Variants in PPP1R12B observed in about 807,000 individuals in gnomAD.
The protein encoded by PPP1R12B is protein phosphatase 1 regulatory subunit 12B, also known as myosin phosphatase target subunit 2.
In PPP1R12B, 76 loss-of-function variants were observed where a neutral mutation model predicts 126.1. The observed-to-expected ratio is 0.60, with a 90% CI of 0.50 to 0.73. The LOEUF is 0.73. Among genes scored for constraint, PPP1R12B ranks in the 30% least tolerant of loss-of-function variants. The pLI, the probability that PPP1R12B is intolerant of heterozygous loss-of-function variation, is 0.00. For missense variants in PPP1R12B, 1,052 were observed against 1,205.1 expected (o/e 0.87, Z 1.88); for synonymous variants, 356 against 434.7 (o/e 0.82, Z 2.25).
At chr1:202,470,589 G>T (rs1220822256) in intron 13 of PPP1R12B, among the ~76,000 whole-genome samples, 3 of 152,036 alleles carry the variant, frequency 2.0e-5, no homozygotes, top group African/African-American at 7.2e-5. Context: ...GCTATATATG[G>T]TTTTTTCTTT....
At chr1:202,545,192 A>G (rs1043051949) in intron 18 of PPP1R12B, among the ~76,000 whole-genome samples, 6 of 152,372 alleles carry the variant, frequency 3.9e-5, no homozygotes, top group South Asian at 4.1e-4. Context: ...AATTAAAAGC[A>G]GGAGTGTATT....
chr1:202,452,464 C>G (rs897819467), intron 13 of PPP1R12B, among the ~76,000 whole-genome samples: 2 of 152,234 alleles, frequency 1.3e-5, no homozygotes. Context: ...GCAGGAGAAT[C>G]AGGCAGGGAG....
intron 1 of PPP1R12B, among the ~76,000 whole-genome samples, chr1:202,397,577 C>T (rs1207992017): frequency 6.6e-6 from 1 of 152,116 alleles, no homozygotes; most frequent in Non-Finnish European, 1.5e-5. Context: ...TGGGAAGACA[C>T]ATGGGGATAT....
At chr1:202,541,249 T>C (rs1276218126) in intron 18 of PPP1R12B, among the ~76,000 whole-genome samples, 1 of 151,940 alleles carries the variant, frequency 6.6e-6, no homozygotes, top group Non-Finnish European at 1.5e-5. Context: ...CCCCCAATTA[T>C]TTTGTATGCA....
Position 202,416,441 on chromosome 1 carries a change from G to A in PPP1R12B, c.292-346G>A, listed in dbSNP as rs536588403. 1.3e-4 allele frequency among the ~76,000 whole-genome samples: 19 copies of A among 149,964 alleles called. No homozygotes were observed. The South Asian group carries it at 2.3e-3, about 18-fold the overall frequency. Reference sequence around the variant, plus strand: ...CTAGGGAGGCTGAGGCAGGAGAATCGCTTGAACCTGGGAGGCAGAGGTTGC... The same window carrying A: ...CTAGGGAGGCTGAGGCAGGAGAATCACTTGAACCTGGGAGGCAGAGGTTGC... On this transcript the variant is annotated intron_variant, in intron 1 of 23. Coordinates refer to ENST00000608999, the MANE Select transcript of PPP1R12B (RefSeq NM_002481.4).
chr1:202,395,207 G>C (rs967630337), intron 1 of PPP1R12B, among the ~76,000 whole-genome samples: 1 of 151,810 alleles, frequency 6.6e-6, no homozygotes, highest in Non-Finnish European at 1.5e-5. Flanking sequence ...TGGAAGTTAG[G>C]AACCCACAGC....
At chr1:202,492,253 T>G (rs536811276) in intron 14 of PPP1R12B, among the ~76,000 whole-genome samples, 1 of 152,258 alleles carries the variant, frequency 6.6e-6, no homozygotes, top group Admixed American at 6.5e-5. Context: ...ACAGTAACCA[T>G]TGGATTTGTC....
Position 202,584,917 on chromosome 1 carries a change from C to T in PPP1R12B, c.*4357C>T, listed in dbSNP as rs1356058011. The stretch of plus-strand genomic sequence containing the variant: ...GAGATATCATCAGGGGCCCTCAAAC[C>T]CCATTGTTTATGCCAGCACTGACCG... On this transcript the variant is annotated 3_prime_UTR_variant, in exon 24 of 24. Transcript: ENST00000608999. 6.6e-6 allele frequency: 1 copy of T among 152,212 alleles called. No homozygotes were observed. The highest frequency in any genetic ancestry group is 6.5e-5 in the Admixed American group (1 of 15,284). The allele number at this position is 152,212 out of a possible 1,614,324, so 9.4% of individuals were successfully genotyped here. A position where few individuals can be genotyped will look rare whatever the true frequency, so the allele number is the denominator to read the frequency against.
intron 14 of PPP1R12B, among the ~76,000 whole-genome samples, chr1:202,488,860 G>A (rs1221863985): frequency 1.3e-5 from 2 of 152,040 alleles, no homozygotes; most frequent in African/African-American, 2.4e-5. Context: ...CCTGGCCAAC[G>A]TGGTGAAACC....
intron 13 of PPP1R12B, among the ~76,000 whole-genome samples, chr1:202,477,066 G>A: frequency 6.6e-6 from 1 of 152,020 alleles, no homozygotes; most frequent in Non-Finnish European, 1.5e-5. Context: ...AATAATTAAG[G>A]GGAACTCTTT....
chr1:202,546,536 C>T (rs921705711), intron 18 of PPP1R12B, among the ~76,000 whole-genome samples: 2 of 151,646 alleles, frequency 1.3e-5, no homozygotes, highest in South Asian at 2.1e-4. Context: ...CTCAGGAGGT[C>T]GAGGTTTCAG....
At chr1:202,446,254 A>ATTTTTTTTTTT (rs879273755) in intron 12 of PPP1R12B, among the ~76,000 whole-genome samples, 1 of 47,188 alleles carries the variant, frequency 2.1e-5, no homozygotes, top group African/African-American at 6.6e-5. Context: ...ATATATATAT[A>ATTTTTTTTTTT]TATTTTTTTT....
intron 10 of PPP1R12B, chr1:202,439,875 C>T: frequency 3.1e-6 from 1 of 318,134 alleles, no homozygotes; most frequent in East Asian, 7.0e-5. Flanking sequence ...GACAGCCCCT[C>T]CTGCCCTGCT....
At chr1:202,479,321 G>GA (rs1212936865) in intron 13 of PPP1R12B, among the ~76,000 whole-genome samples, 2 of 152,106 alleles carry the variant, frequency 1.3e-5, no homozygotes, top group Non-Finnish European at 2.9e-5. Flanking sequence ...AGAATAACTA[G>GA]AAAAAACTGG....
At chr1:202,434,995 G>T (rs1020214840) in intron 9 of PPP1R12B, among the ~76,000 whole-genome samples, 13 of 152,176 alleles carry the variant, frequency 8.5e-5, no homozygotes, top group African/African-American at 3.1e-4. Context: ...AGCCAGTTCA[G>T]TTCCTGGTGA....
At chr1:202,478,623 CTATA>C (rs1402222783) in intron 13 of PPP1R12B, among the ~76,000 whole-genome samples, 1 of 151,836 alleles carries the variant, frequency 6.6e-6, no homozygotes, top group Non-Finnish European at 1.5e-5. Flanking sequence ...TTATAAAAAA[CTATA>C]TATAGTTTGT....
intron 18 of PPP1R12B, among the ~76,000 whole-genome samples, chr1:202,507,591 T>A (rs976361932): frequency 6.6e-6 from 1 of 152,206 alleles, no homozygotes; most frequent in Non-Finnish European, 1.5e-5. Flanking sequence ...TTTTTCTTTT[T>A]AAAAAACGTA....
rs1235474765 is a variant in PPP1R12B, at chr1:202,587,834, A to C, written c.*7274A>C. The C allele has an allele frequency of 6.6e-6, 1 of 152,136 alleles. No homozygotes were observed. Among genetic ancestry groups the C allele is most frequent in the Non-Finnish European group, 1.5e-5 (1 of 68,038 alleles). The allele number at this position is 152,136 out of a possible 1,614,324, so 9.4% of individuals were successfully genotyped here. On this transcript the variant is annotated 3_prime_UTR_variant, in exon 24 of 24. Coordinates refer to ENST00000608999, the MANE Select transcript of PPP1R12B (RefSeq NM_002481.4). ...ACAGATTCCCGCTTGCCTTCTGATG[A>C]AGAGAGGTTAGGTAAAGAGAGTTTG...
chr1:202,472,932 CAG>C (rs1676133931), intron 13 of PPP1R12B, among the ~76,000 whole-genome samples: 1 of 152,190 alleles, frequency 6.6e-6, no homozygotes, highest in African/African-American at 2.4e-5. Flanking sequence ...GGTCTCACAA[CAG>C]AGCTGTTGAG....
Sources: allele counts gnomAD v4.1 joint callset (sites outside exome capture counted in the v4.1 genomes callset), GRCh38; gene constraint gnomAD v4.1.1; transcripts MANE v1.5; gene names NCBI Gene and HGNC (gene_info 2026-07-23, HGNC 2026-07-21).